MEA1: variants seen among roughly 807,000 people sequenced by gnomAD.
MEA1 encodes Male-enhanced antigen (H-Y structural gene).
Under a neutral mutation model 21.4 loss-of-function variants are expected in MEA1, and 22 were observed. The ratio of observed to expected loss-of-function variants is 1.03; its 90% CI spans 0.73 to 1.47. The LOEUF (loss-of-function observed/expected upper bound fraction) is 1.47. MEA1 is among the 40% of genes most tolerant of loss of function. The pLI is 0.00. For synonymous variants in MEA1, 91 were observed against 85.5 expected, an observed-to-expected ratio of 1.06 and a Z score of -0.35; for missense variants, 233 against 230.5, an observed-to-expected ratio of 1.01 and a Z score of -0.07.
chr6:43,013,555 T>G, intron 1 of MEA1, 166 bp from the exon 2 acceptor site: 1 of 862,204 alleles, frequency 1.2e-6, no homozygotes, highest in Non-Finnish European at 1.8e-6. Flanking sequence ...TTCCTCCCCC[T>G]CCTAAGTCGG....
rs774742341 is a variant in MEA1, at chr6:43,013,392, G to A, written c.29-3C>T. On this transcript the variant is annotated splice_polypyrimidine_tract_variant and splice_region_variant and intron_variant, in intron 1 of 3. Transcript: ENST00000244711. ...TACTGTTGCCATCCGGGCAGGGGCT[G>A]CAAGAACAGGGAGGCGGTAGGACAG... The A allele has an allele frequency of 1.2e-6, 2 of 1,611,426 alleles. No individual in the cohort carries two copies. The highest frequency in any genetic ancestry group is 1.7e-5 in the Admixed American group (1 of 59,934).
chr6:43,012,377 G>A lies in MEA1; in HGVS notation c.*93C>T, dbSNP rs1175027480. On this transcript the variant is annotated 3_prime_UTR_variant, in exon 4 of 4. Transcript: ENST00000244711. ...GCCTTGATGTGGAAAGGGAGACGGG[G>A]AAGATGGAAATGGACATTACAACCA... 2 of 1,490,910 alleles carry A rather than the reference G, an allele frequency of 1.3e-6. No homozygotes were observed. Among genetic ancestry groups the A allele is most frequent in the South Asian group, 1.4e-5 (1 of 71,078 alleles). 92.4% of individuals were successfully genotyped at this position (1,490,910 alleles called of 1,614,324 possible).
chr6:43,013,782 G>T lies in MEA1; in HGVS notation c.28+4C>A. ...TCCCCTCTCCTAGAGGACCCCCTCTGTACCGCCTGACAGATGCCTTTCAGG... is the reference window on the plus strand; with the variant it reads ...TCCCCTCTCCTAGAGGACCCCCTCTTTACCGCCTGACAGATGCCTTTCAGG... On this transcript the variant is annotated splice_donor_region_variant and intron_variant, in intron 1 of 3. Coordinates refer to ENST00000244711, the MANE Select transcript of MEA1 (RefSeq NM_014623.4). 1 of 1,599,202 alleles carries T rather than the reference G, an allele frequency of 6.3e-7. No homozygotes were observed. Among genetic ancestry groups the T allele is most frequent in the Non-Finnish European group, 8.5e-7 (1 of 1,173,606 alleles).
In MEA1 at chr6:43,011,539, A is replaced by C; in HGVS notation, c.*931T>G. 2 of 537,736 alleles carry C rather than the reference A, an allele frequency of 3.7e-6. No individual in the cohort carries two copies. Among genetic ancestry groups the C allele is most frequent in the Non-Finnish European group, 3.3e-6 (1 of 301,362 alleles). The allele number at this position is 537,736 out of a possible 1,614,324, so 33.3% of individuals were successfully genotyped here. A position where few individuals can be genotyped will look rare whatever the true frequency, so the allele number is the denominator to read the frequency against. ...TGCTTAGTGCTCAGACAACCTGGGG[A>C]TGCCTGTCCCCTACCTGCTCCTCAC... On this transcript the variant is annotated 3_prime_UTR_variant, in exon 4 of 4. Coordinates refer to ENST00000244711, the MANE Select transcript of MEA1 (RefSeq NM_014623.4).
chr6:43,015,437 A>G (rs1762543226), upstream of MEA1, among the ~76,000 whole-genome samples: 1 of 152,148 alleles, frequency 6.6e-6, no homozygotes, highest in South Asian at 2.1e-4. Flanking sequence ...GCAGATGATG[A>G]TACACCCAAA....
chr6:43,013,057 C>G (rs758887440), intron 2 of MEA1, 29 bp from the exon 3 acceptor site: 5 of 1,614,132 alleles, frequency 3.1e-6, no homozygotes, highest in Non-Finnish European at 4.2e-6. Flanking sequence ...CCGTTTGGGT[C>G]TAGGCTTTCA....
At position 43,012,066 on chromosome 6, in the gene MEA1, A is replaced by C. The variant is rs1762377467; in HGVS notation, c.*404T>G. The C allele has an allele frequency of 2.6e-6, 1 of 385,246 alleles. No individual in the cohort carries two copies. Among genetic ancestry groups the C allele is most frequent in the African/African-American group, 2.2e-5 (1 of 45,778 alleles). The allele number at this position is 385,246 out of a possible 1,614,324, so 23.9% of individuals were successfully genotyped here. Reference sequence around the variant, plus strand: ...TTGGTTCCCAAAACTAGAAAGAAGGAAGCAGGGAGCGGTGCCCCAAGCATG... The same window carrying C: ...TTGGTTCCCAAAACTAGAAAGAAGGCAGCAGGGAGCGGTGCCCCAAGCATG... On this transcript the variant is annotated 3_prime_UTR_variant, in exon 4 of 4. Transcript: ENST00000244711.
upstream of MEA1, among the ~76,000 whole-genome samples, chr6:43,015,572 G>A (rs1379879447): frequency 6.6e-6 from 1 of 152,112 alleles, no homozygotes; most frequent in African/African-American, 2.4e-5. Context: ...ATGACCAGCT[G>A]GGCATGGTGG....
At chr6:43,014,325 C>T (rs1762502148), upstream of MEA1, 2 of 630,686 alleles carry the variant, frequency 3.2e-6, no homozygotes, top group Middle Eastern at 4.2e-4. Flanking sequence ...GGACCCGCGG[C>T]CCCGCCCCGG....
At position 43,013,344 on chromosome 6, in the gene MEA1, C is replaced by A. The variant is rs147653653; in HGVS notation, c.74G>T (p.Gly25Val). ...CTGATTGGGGAAGATACGCTCAGGG[C>A]CCATGGTGTCTCCTCCTAGAACTAC... ...ATVVLGGDTM[G>V]PERIFPNQTE... Residue 25 changes from glycine (G) to valine (V), a missense_variant, in exon 2 of 4, where the codon GGC becomes GTC. By Grantham distance (109) the Gly-to-Val change is moderately radical. Transcript: ENST00000244711. 3 of 1,614,082 alleles carry A rather than the reference C, an allele frequency of 1.9e-6. No individual in the cohort carries two copies. Among genetic ancestry groups the A allele is most frequent in the Non-Finnish European group, 2.5e-6 (3 of 1,180,026 alleles).
At chr6:43,016,845 C>T (rs1581876334), upstream of MEA1, 3 of 281,100 alleles carry the variant, frequency 1.1e-5, no homozygotes, top group East Asian at 2.2e-4. Flanking sequence ...CAGAGTGGAG[C>T]CTCCACGAGT....
Position 43,013,808 on chromosome 6 carries a change from C to T in MEA1, c.6G>A (p.Gly2=), listed in dbSNP as rs771120212. 1.2e-5 allele frequency: 19 copies of T among 1,608,600 alleles called. No homozygotes were observed. Among genetic ancestry groups the T allele is most frequent in the Non-Finnish European group, 1.6e-5 (19 of 1,178,196 alleles). The part of the protein sequence containing the change: M[G]PERHLSGAPA... ...TACCGCCTGACAGATGCCTTTCAGG[C>T]CCCATGGGCTCCCCTCAAATGGCCC... The change falls in exon 1 of 4, where the codon GGG becomes GGA. Residue 2 remains glycine, a synonymous_variant. Coordinates refer to ENST00000244711, the MANE Select transcript of MEA1 (RefSeq NM_014623.4).
At position 43,011,143 on chromosome 6, in the gene MEA1, A is replaced by G. The variant is rs545291281; in HGVS notation, c.*1327T>C. ...CATTCCTCACCTTGTCCCTATTCAC[A>G]CACAGATGCTAAAAGACATCAAGAA... On this transcript the variant is annotated 3_prime_UTR_variant, in exon 4 of 4. Transcript: ENST00000244711. 1 of 1,614,150 alleles carries G rather than the reference A, an allele frequency of 6.2e-7. No homozygotes were observed. The highest frequency in any genetic ancestry group is 8.5e-7 in the Non-Finnish European group (1 of 1,179,994).
rs1561856345 is a variant in MEA1 at position 43,013,356 on chromosome 6, C to T, written c.62G>A (p.Gly21Glu). ...PARMATVVLG[G>E]DTMGPERIFP... Reference sequence around the variant, plus strand: ...GATACGCTCAGGGCCCATGGTGTCTCCTCCTAGAACTACTGTTGCCATCCG... The same window carrying T: ...GATACGCTCAGGGCCCATGGTGTCTTCTCCTAGAACTACTGTTGCCATCCG... The change falls in exon 2 of 4, where the codon GGA becomes GAA. Residue 21 changes from glycine (G) to glutamate (E), a missense_variant. Coordinates refer to ENST00000244711, the MANE Select transcript of MEA1 (RefSeq NM_014623.4). 6.2e-7 allele frequency: 1 copy of T among 1,613,894 alleles called. No individual in the cohort carries two copies.
At position 43,011,288 on chromosome 6, in the gene MEA1, C is replaced by T. The variant is rs1243733358; in HGVS notation, c.*1182G>A. ...ACTGCCAGCCAGGAGGCTCTCTGAC[C>T]CCTCACGTTCCTACCACAGGGCCAC... On this transcript the variant is annotated 3_prime_UTR_variant, in exon 4 of 4. Transcript: ENST00000244711. 3 of 1,613,582 alleles carry T rather than the reference C, an allele frequency of 1.9e-6. No homozygotes were observed. The highest frequency in any genetic ancestry group is 2.7e-5 in the African/African-American group (2 of 74,870).
Position 43,013,379 on chromosome 6 carries a change from C to G in MEA1, c.39G>C (p.Arg13=). 1 of 1,613,154 alleles carries G rather than the reference C, an allele frequency of 6.2e-7. No individual in the cohort carries two copies. The highest frequency in any genetic ancestry group is 8.5e-7 in the Non-Finnish European group (1 of 1,179,732). Residue 13 remains arginine (R), a synonymous_variant, in exon 2 of 4, where the codon CGG becomes CGC. Transcript: ENST00000244711. ...CTCCTCCTAGAACTACTGTTGCCAT[C>G]CGGGCAGGGGCTGCAAGAACAGGGA... The part of the protein sequence containing the change: ...PERHLSGAPA[R]MATVVLGGDT...
chr6:43,015,024 T>G (rs1385414918), upstream of MEA1, among the ~76,000 whole-genome samples: 1 of 152,140 alleles, frequency 6.6e-6, no homozygotes, highest in Non-Finnish European at 1.5e-5. Context: ...AAACTAAAAT[T>G]TTTTTTCTCC....
chr6:43,012,482 AGG>A lies in MEA1; in HGVS notation c.544_545del (p.Pro182CysfsTer143), dbSNP rs1297162951. On this transcript the variant is annotated frameshift_variant, in exon 4 of 4. Coordinates refer to ENST00000244711, the MANE Select transcript of MEA1 (RefSeq NM_014623.4). LOFTEE classifies it high-confidence loss of function. ...QKALQARQASPAWK is the reference protein window; with the variant it reads ...QKALQARQASXAWK ...GCTCTCACTGTGGTCACTTCCAGGC[AGG>A]GGATGCCTGCCGGGCTTGGAGGGCT... The A allele has an allele frequency of 6.2e-7, 1 of 1,600,156 alleles. No individual in the cohort carries two copies. The highest frequency in any genetic ancestry group is 1.8e-5 in the Admixed American group (1 of 55,992).
In MEA1 at chr6:43,012,607, C is replaced by G. The variant is rs1281152226; in HGVS notation, c.421G>C (p.Val141Leu). 1.9e-6 allele frequency: 3 copies of G among 1,607,556 alleles called. No homozygotes were observed. The highest frequency in any genetic ancestry group is 1.7e-6 in the Non-Finnish European group (2 of 1,177,646). Residue 141 changes from valine (V) to leucine (L), a missense_variant, in exon 4 of 4, where the codon GTG becomes CTG. Physicochemically the swap from Val to Leu is conservative, Grantham distance 32. Coordinates refer to ENST00000244711, the MANE Select transcript of MEA1 (RefSeq NM_014623.4). ...IPMDPEHVEL[V>L]KRTMAGVSLP... Reference sequence around the variant, plus strand: ...CTTACTCCAGCCATTGTCCTTTTCACCAGCTCTACATGTTCTGAAATCAGA... The same window carrying G: ...CTTACTCCAGCCATTGTCCTTTTCAGCAGCTCTACATGTTCTGAAATCAGA...
Sources: allele counts gnomAD v4.1 joint callset (sites outside exome capture counted in the v4.1 genomes callset), GRCh38; gene constraint gnomAD v4.1.1; transcripts MANE v1.5; gene names NCBI Gene and HGNC (gene_info 2026-07-23, HGNC 2026-07-21).